Variants in NAV3 observed in about 807,000 individuals in gnomAD.
NAV3 encodes the protein pore membrane and/or filament interacting like protein 1.
In NAV3, 87 loss-of-function variants were observed where a neutral mutation model predicts 244.7. The observed-to-expected ratio is 0.36, with a 90% CI of 0.30 to 0.42. NAV3 has a LOEUF of 0.42. Ranked by LOEUF, NAV3 falls within the 20% of genes least tolerant of loss-of-function variation. NAV3 has a pLI of 1.00. For synonymous variants in NAV3, 1,126 were observed against 1,042.2 expected, an observed-to-expected ratio of 1.08 and a Z score of -1.55; for missense variants, 2,663 against 2,893.3, an observed-to-expected ratio of 0.92 and a Z score of 1.83.
chr12:78,175,476 T>G (rs755013214), intron 25 of NAV3, 49 bp downstream of exon 25: 1 of 1,588,534 alleles, frequency 6.3e-7, no homozygotes, highest in East Asian at 2.3e-5. Flanking sequence ...ATGCATAATG[T>G]GTTAGGCCTT....
intron 30 of NAV3, among the ~76,000 whole-genome samples, chr12:78,182,808 T>C (rs1958556859): frequency 1.3e-5 from 2 of 151,906 alleles, no homozygotes; most frequent in Admixed American, 1.3e-4. Context: ...ATGTCTGAAC[T>C]AAAAAAATTA....
At chr12:77,962,415 C>A (rs74377189) in intron 3 of NAV3, among the ~76,000 whole-genome samples, 4,911 of 152,222 alleles carry the variant, frequency 0.032, 260 homozygotes, top group African/African-American at 0.11. Context: ...CATTCATGAT[C>A]TTTTCCATCT....
chr12:78,158,047 A>G (rs2139380890), intron 22 of NAV3, among the ~76,000 whole-genome samples: 1 of 152,296 alleles, frequency 6.6e-6, no homozygotes, highest in South Asian at 2.1e-4. Context: ...TATTTCCGTT[A>G]TTAAGTAATA....
chr12:77,915,044 G>A (rs1886988757), intron 1 of NAV3, among the ~76,000 whole-genome samples: 1 of 151,910 alleles, frequency 6.6e-6, no homozygotes, highest in South Asian at 2.1e-4. Context: ...CTAGTTGTCA[G>A]ATCCTTGAAA....
At chr12:77,629,723 A>G (rs542843833) in intron 2 of NAV3, among the ~76,000 whole-genome samples, 1 of 152,306 alleles carries the variant, frequency 6.6e-6, no homozygotes, top group Non-Finnish European at 1.5e-5. Flanking sequence ...TCTTAAATAT[A>G]TGCCATGTAA....
chr12:78,143,250 G>A (rs185414229), intron 20 of NAV3: 9 of 387,934 alleles, frequency 2.3e-5, no homozygotes, highest in Middle Eastern at 3.7e-4. Flanking sequence ...ATTTGTCTCC[G>A]GATGTCTGCA....
chr12:77,580,219 AACACACACACACACAC>A (rs59671759), intron 2 of NAV3, among the ~76,000 whole-genome samples: 36,289 of 145,426 alleles, frequency 0.25, 4,597 homozygotes, highest in East Asian at 0.45. Context: ...GTAGGGTGGG[AACACACACACACACAC>A]ACACACACAC....
chr12:77,654,467 G>T (rs946986344), intron 2 of NAV3, among the ~76,000 whole-genome samples: 4 of 152,186 alleles, frequency 2.6e-5, no homozygotes, highest in Non-Finnish European at 5.9e-5. Flanking sequence ...CCAACTGGGT[G>T]GAGCCCACCA....
At chr12:78,131,383 T>C (rs1956159492) in intron 18 of NAV3, among the ~76,000 whole-genome samples, 1 of 152,212 alleles carries the variant, frequency 6.6e-6, no homozygotes, top group Non-Finnish European at 1.5e-5. Flanking sequence ...TGTATAGCTT[T>C]TATTTGCTTT....
At chr12:77,687,939 G>A (rs894204874) in intron 2 of NAV3, among the ~76,000 whole-genome samples, 3 of 152,146 alleles carry the variant, frequency 2.0e-5, no homozygotes, top group South Asian at 2.1e-4. Flanking sequence ...TGTTTTCAAT[G>A]TGTACCATAA....
Position 78,179,383 on chromosome 12 carries a change from C to T in NAV3, c.5364-146C>T, listed in dbSNP as rs184809309. 1,141 of 813,954 alleles carry T rather than the reference C, an allele frequency of 1.4e-3. 11 individuals carry two copies. The African/African-American group carries it at 0.018, about 13-fold the overall frequency. 50.4% of individuals were successfully genotyped at this position (813,954 alleles called of 1,614,324 possible). ...TGAATGCATAACCGTTTGTAAAACT[C>T]CTTCTCCTTTTCTCTAGGTTTTGCC... is the stretch of plus-strand genomic sequence containing the variant. On this transcript the variant is annotated intron_variant, in intron 28 of 39. Coordinates refer to ENST00000397909, the MANE Select transcript of NAV3 (RefSeq NM_001024383.2).
intron 2 of NAV3, among the ~76,000 whole-genome samples, chr12:77,824,670 A>C (rs1329840557): frequency 6.6e-6 from 1 of 152,016 alleles, no homozygotes; most frequent in Non-Finnish European, 1.5e-5. Flanking sequence ...AGGAAGGTGG[A>C]TTACCTGAAG....
intron 2 of NAV3, among the ~76,000 whole-genome samples, chr12:77,644,953 A>G (rs1872554322): frequency 6.6e-6 from 1 of 152,170 alleles, no homozygotes; most frequent in Non-Finnish European, 1.5e-5. Flanking sequence ...CAAAACGATT[A>G]AGTTCGTTAT....
At chr12:78,201,813 G>A (rs760658417) in intron 38 of NAV3, among the ~76,000 whole-genome samples, 1 of 151,888 alleles carries the variant, frequency 6.6e-6, no homozygotes, top group Non-Finnish European at 1.5e-5. Flanking sequence ...TCCACATTCA[G>A]TCATCTACAA....
intron 1 of NAV3, among the ~76,000 whole-genome samples, chr12:77,910,668 T>G (rs528237526): frequency 6.6e-6 from 1 of 152,212 alleles, no homozygotes; most frequent in South Asian, 2.1e-4. Flanking sequence ...AGCAACTCAC[T>G]CTGTACCTAA....
intron 2 of NAV3, among the ~76,000 whole-genome samples, chr12:77,774,567 A>C (rs2135890164): frequency 6.6e-6 from 1 of 152,254 alleles, no homozygotes; most frequent in Non-Finnish European, 1.5e-5. Context: ...ATCTTAAAGG[A>C]CTAGAGAGGT....
At chr12:77,599,179 T>G (rs1870307536) in intron 2 of NAV3, among the ~76,000 whole-genome samples, 1 of 151,986 alleles carries the variant, frequency 6.6e-6, no homozygotes, top group Admixed American at 6.6e-5. Flanking sequence ...TTTATCCATG[T>G]CATCACATGT....
intron 2 of NAV3, among the ~76,000 whole-genome samples, chr12:77,678,229 T>C (rs1346499812): frequency 1.3e-5 from 2 of 152,184 alleles, no homozygotes; most frequent in Non-Finnish European, 2.9e-5. Flanking sequence ...AGTAATGTTA[T>C]ATTTTAAAAA....
At chr12:77,722,985 A>G (rs992238036) in intron 2 of NAV3, among the ~76,000 whole-genome samples, 3 of 151,998 alleles carry the variant, frequency 2.0e-5, no homozygotes, top group Admixed American at 6.6e-5. Context: ...TGATTTTTTG[A>G]GGGGCATGAT....
Sources: allele counts gnomAD v4.1 joint callset (sites outside exome capture counted in the v4.1 genomes callset), GRCh38; gene constraint gnomAD v4.1.1; transcripts MANE v1.5; gene names NCBI Gene and HGNC (gene_info 2026-07-23, HGNC 2026-07-21).